The following SLC16A2 variants were observed in gnomAD, a reference collection of about 807,000 sequenced individuals.
SLC16A2 encodes the protein monocarboxylate transporter 8.
In SLC16A2, 3 loss-of-function variants were observed where a neutral mutation model predicts 27.2. The observed-to-expected ratio is 0.11, with a 90% CI of 0.05 to 0.28. SLC16A2 has a LOEUF of 0.28. Among genes scored for constraint, SLC16A2 ranks in the 10% least tolerant of loss-of-function variants. The pLI, the probability that SLC16A2 is intolerant of heterozygous loss-of-function variation, is 1.00. For synonymous variants in SLC16A2, 202 were observed against 187.8 expected, an observed-to-expected ratio of 1.08 and a Z score of -0.62; for missense variants, 295 against 458.5, an observed-to-expected ratio of 0.64 and a Z score of 3.26.
At chrX:74,497,057 G>A (rs771050607) in intron 1 of SLC16A2, among the ~76,000 whole-genome samples, 19 of 111,963 alleles carry the variant, frequency 1.7e-4, no homozygotes, top group African/African-American at 6.2e-4. Context: ...CAGCTTGTGT[G>A]TGTGCCTGCT....
intron 1 of SLC16A2, among the ~76,000 whole-genome samples, chrX:74,444,533 A>G (rs995193172): frequency 1.8e-5 from 2 of 111,664 alleles, no homozygotes; most frequent in African/African-American, 3.3e-5. Context: ...TTTTACCACT[A>G]TCTCCCTCCC....
intron 1 of SLC16A2, among the ~76,000 whole-genome samples, chrX:74,453,878 T>C (rs1448853065): frequency 2.7e-5 from 3 of 112,136 alleles, no homozygotes; most frequent in African/African-American, 9.7e-5. Flanking sequence ...TTTTTATTGA[T>C]ACATAATAAT....
At chrX:74,485,875 G>T (rs1462328822) in intron 1 of SLC16A2, among the ~76,000 whole-genome samples, 1 of 111,170 alleles carries the variant, frequency 9.0e-6, no homozygotes, top group Non-Finnish European at 1.9e-5. Context: ...TCAGAAGTGG[G>T]TCTGGGATGG....
At chrX:74,424,644 G>A (rs1216311519) in intron 1 of SLC16A2, among the ~76,000 whole-genome samples, 1 of 111,652 alleles carries the variant, frequency 9.0e-6, no homozygotes. Flanking sequence ...CCACGCTCAA[G>A]GAATTTGGTG....
intron 1 of SLC16A2, among the ~76,000 whole-genome samples, chrX:74,445,413 A>G (rs538732): frequency 0.41 from 44,229 of 108,051 alleles, 7,290 homozygotes; most frequent in East Asian, 0.96. Flanking sequence ...AAGAAGACTT[A>G]TTTCATTTCA....
rs767579675 is a variant in SLC16A2, at chrX:74,492,958, A to G, written c.431-28032A>G. Among the ~76,000 whole-genome samples, 8 of 112,077 alleles carry G rather than the reference A, an allele frequency of 7.1e-5. No individual in the cohort carries two copies. In the East Asian group the frequency reaches 2.2e-3, roughly 32 times the overall value. ...GTCTGGGCCCTGCTCTTGCTCAGCT[A>G]TAGACAGCTGGCCTCCCCGATGTTT... On this transcript the variant is annotated intron_variant, in intron 1 of 5. Coordinates refer to ENST00000587091, the MANE Select transcript of SLC16A2 (RefSeq NM_006517.5).
rs945426997 is a variant in SLC16A2 at position 74,455,647 on chromosome X, G to T, written c.430+33580G>T. On this transcript the variant is annotated intron_variant, in intron 1 of 5. Coordinates refer to ENST00000587091, the MANE Select transcript of SLC16A2 (RefSeq NM_006517.5). Reference sequence around the variant, plus strand: ...GTGGCTCCTCCTACATTTTGCTTCCGGTATAGAGGGCATGGTCAGAGGCCA... The same window carrying T: ...GTGGCTCCTCCTACATTTTGCTTCCTGTATAGAGGGCATGGTCAGAGGCCA... Among the ~76,000 whole-genome samples, 6 of 110,491 alleles carry T rather than the reference G, an allele frequency of 5.4e-5. No homozygotes were observed. In the Admixed American group the frequency reaches 5.8e-4, roughly 11 times the overall value.
Position 74,449,748 on chromosome X carries a change from G to A in SLC16A2, c.430+27681G>A, listed in dbSNP as rs1284093193. On this transcript the variant is annotated intron_variant, in intron 1 of 5. Coordinates refer to ENST00000587091, the MANE Select transcript of SLC16A2 (RefSeq NM_006517.5). ...ACCCCTCTAAGTAGGTTACCTGCTG[G>A]CACTGGCTCAGTGCCAACAGGCTGT... is the stretch of plus-strand genomic sequence containing the variant. Among the ~76,000 whole-genome samples, 4 of 111,819 alleles carry A rather than the reference G, an allele frequency of 3.6e-5. No individual in the cohort carries two copies. In the East Asian group the frequency reaches 1.1e-3, roughly 31 times the overall value.
At chrX:74,464,429 T>C (rs960319976) in intron 1 of SLC16A2, among the ~76,000 whole-genome samples, 2 of 111,888 alleles carry the variant, frequency 1.8e-5, no homozygotes, top group Non-Finnish European at 3.8e-5. Context: ...TTGTTGATCC[T>C]ACAGTTGCAC....
chrX:74,461,121 G>A (rs112669053), intron 1 of SLC16A2, among the ~76,000 whole-genome samples: 4,038 of 111,941 alleles, frequency 0.036, 94 homozygotes, highest in Non-Finnish European at 0.057. Flanking sequence ...TATGGAAGAT[G>A]TTTCTTTAAT....
intron 1 of SLC16A2, among the ~76,000 whole-genome samples, chrX:74,492,416 A>G (rs1451398865): frequency 9.0e-6 from 1 of 111,045 alleles, no homozygotes; most frequent in African/African-American, 3.3e-5. Flanking sequence ...TAAAAGGTAG[A>G]GGGCCACATG....
intron 1 of SLC16A2, among the ~76,000 whole-genome samples, chrX:74,494,454 A>G (rs1403689351): frequency 3.6e-5 from 4 of 111,751 alleles, no homozygotes; most frequent in Middle Eastern, 9.1e-3. Flanking sequence ...CAGTGTCGTT[A>G]TAACACCTAA....
chrX:74,457,077 T>C (rs1032847208), intron 1 of SLC16A2, among the ~76,000 whole-genome samples: 3 of 109,884 alleles, frequency 2.7e-5, no homozygotes, highest in African/African-American at 1.0e-4. Flanking sequence ...TACTGGTATT[T>C]CTCAGCCCCA....
In SLC16A2 at chrX:74,524,683, C is replaced by T. The variant is rs1420806509; in HGVS notation, c.900C>T (p.His300=). Reference sequence around the variant, plus strand: ...GCAAGAGAGGTGTCCGCACCCTGCACCAGCGCTTTCTGGCTCAGCTCAGGA... The same window carrying T: ...GCAAGAGAGGTGTCCGCACCCTGCATCAGCGCTTTCTGGCTCAGCTCAGGA... ...TPSKRGVRTL[H]QRFLAQLRKY... The change falls in exon 3 of 6, where the codon CAC becomes CAT. Residue 300 remains histidine (H), a synonymous_variant. Coordinates refer to ENST00000587091, the MANE Select transcript of SLC16A2 (RefSeq NM_006517.5). The T allele has an allele frequency of 8.3e-7, 1 of 1,211,908 alleles. No homozygotes were observed. Among genetic ancestry groups the T allele is most frequent in the South Asian group, 1.8e-5 (1 of 56,990 alleles).
In SLC16A2 at chrX:74,505,318, G is replaced by T. The variant is rs1178428045; in HGVS notation, c.431-15672G>T. 5.4e-5 allele frequency among the ~76,000 whole-genome samples: 6 copies of T among 111,686 alleles called. No individual in the cohort carries two copies. The Admixed American group carries it at 5.7e-4, about 11-fold the overall frequency. On this transcript the variant is annotated intron_variant, in intron 1 of 5. Transcript: ENST00000587091. ...TATCCTCTGTCCTGAAGGGGCTTTT[G>T]ATTTCCTTCCTCTGCTGTTTCCTCA...
At chrX:74,470,851 T>G (rs1440016097) in intron 1 of SLC16A2, among the ~76,000 whole-genome samples, 1 of 110,020 alleles carries the variant, frequency 9.1e-6, no homozygotes, top group Non-Finnish European at 1.9e-5. Context: ...GGTAGGAGAA[T>G]GGCGTGAACC....
intron 1 of SLC16A2, among the ~76,000 whole-genome samples, chrX:74,457,040 T>A (rs1929051842): frequency 9.0e-6 from 1 of 111,071 alleles, no homozygotes; most frequent in Admixed American, 9.6e-5. Context: ...TCCTTCTATC[T>A]CCACCAATTT....
Position 74,437,243 on chromosome X carries a change from G to A in SLC16A2, c.430+15176G>A, listed in dbSNP as rs752451223. Among the ~76,000 whole-genome samples, 5 of 112,380 alleles carry A rather than the reference G, an allele frequency of 4.4e-5. No individual in the cohort carries two copies. The South Asian group carries it at 1.8e-3, about 42-fold the overall frequency. ...GGAAGAGAAGGACAAATGCCTGGAA[G>A]TCCAAATAAGGCCCCCTGCAGGAAG... On this transcript the variant is annotated intron_variant, in intron 1 of 5. Transcript: ENST00000587091.
intron 1 of SLC16A2, among the ~76,000 whole-genome samples, chrX:74,481,342 A>G (rs1048543503): frequency 6.3e-5 from 7 of 111,828 alleles, no homozygotes; most frequent in African/African-American, 2.3e-4. Context: ...TTGGGGGTAT[A>G]TTTAGGGGGA....
Sources: gnomAD v4.1 joint callset for allele counts (sites outside exome capture counted in the v4.1 genomes callset) on GRCh38, gnomAD v4.1.1 for gene constraint, MANE v1.5 for transcripts, NCBI Gene and HGNC (gene_info 2026-07-23, HGNC 2026-07-21) for gene names.